Variants in HS6ST3 observed in about 807,000 individuals in gnomAD.
The protein encoded by HS6ST3 is heparan sulfate 6-O-sulfotransferase 3.
Under a neutral mutation model 36.7 loss-of-function variants are expected in HS6ST3, and 12 were observed. The observed-to-expected ratio is 0.33, with a 90% confidence interval of 0.21 to 0.53. HS6ST3 has a LOEUF of 0.53. Among genes scored for constraint, HS6ST3 ranks in the 20% least tolerant of loss-of-function variants. The probability of loss-of-function intolerance (pLI) is 0.95; values close to 1 mark genes in which losing one functional copy is unlikely to be tolerated. For missense variants in HS6ST3, 584 were observed against 640.9 expected, an observed-to-expected ratio of 0.91 and a Z score of 0.96; for synonymous variants, 240 against 257.5, an observed-to-expected ratio of 0.93 and a Z score of 0.65.
intron 1 of HS6ST3, among the ~76,000 whole-genome samples, chr13:96,680,894 G>A (rs1264800522): frequency 6.6e-6 from 1 of 152,214 alleles, no homozygotes; most frequent in Non-Finnish European, 1.5e-5. Flanking sequence ...GAAGGCTTTG[G>A]AGCCACATAA....
At chr13:96,322,021 G>C (rs955485891) in intron 1 of HS6ST3, among the ~76,000 whole-genome samples, 1 of 151,750 alleles carries the variant, frequency 6.6e-6, no homozygotes, top group Non-Finnish European at 1.5e-5. Context: ...GAACTCATCA[G>C]AGCAGAACTT....
intron 1 of HS6ST3, among the ~76,000 whole-genome samples, chr13:96,479,776 G>A (rs2055881511): frequency 6.6e-6 from 1 of 152,136 alleles, no homozygotes; most frequent in Non-Finnish European, 1.5e-5. Context: ...AGAGTCTATT[G>A]TAGGTCTAGG....
chr13:96,179,297 A>G (rs1453215722), intron 1 of HS6ST3, among the ~76,000 whole-genome samples: 2 of 152,188 alleles, frequency 1.3e-5, no homozygotes, highest in Admixed American at 1.3e-4. Flanking sequence ...GAAGGTCACT[A>G]TTGACCATCA....
chr13:96,571,941 C>A (rs1302950067), intron 1 of HS6ST3, among the ~76,000 whole-genome samples: 2 of 152,194 alleles, frequency 1.3e-5, no homozygotes, highest in African/African-American at 4.8e-5. Context: ...GTACCATGCA[C>A]CGTGTGCTTT....
intron 1 of HS6ST3, among the ~76,000 whole-genome samples, chr13:96,575,277 G>A (rs920861420): frequency 6.6e-6 from 1 of 152,194 alleles, no homozygotes; most frequent in Admixed American, 6.5e-5. Context: ...CCATGGGAAG[G>A]TGTGATGTCA....
intron 1 of HS6ST3, among the ~76,000 whole-genome samples, chr13:96,266,813 C>T (rs2054694630): frequency 6.6e-6 from 1 of 152,206 alleles, no homozygotes; most frequent in South Asian, 2.1e-4. Flanking sequence ...ATGCCACACA[C>T]ATTCCAGCTA....
At chr13:96,560,391 T>C (rs1261883441) in intron 1 of HS6ST3, among the ~76,000 whole-genome samples, 2 of 152,152 alleles carry the variant, frequency 1.3e-5, no homozygotes, top group Admixed American at 1.3e-4. Flanking sequence ...AGAGGAGCCA[T>C]GTATGACAAA....
chr13:96,506,645 C>T (rs187274877), intron 1 of HS6ST3, among the ~76,000 whole-genome samples: 1 of 152,130 alleles, frequency 6.6e-6, no homozygotes, highest in Non-Finnish European at 1.5e-5. Context: ...TATTTCTGCT[C>T]CTGTGAAACT....
At chr13:96,167,920 G>A (rs927516300) in intron 1 of HS6ST3, among the ~76,000 whole-genome samples, 4 of 152,136 alleles carry the variant, frequency 2.6e-5, no homozygotes, top group African/African-American at 9.7e-5. Flanking sequence ...TTTTTGTGCT[G>A]TGGGCTTAGA....
intron 1 of HS6ST3, among the ~76,000 whole-genome samples, chr13:96,794,813 T>C (rs774903711): frequency 1.4e-4 from 22 of 152,050 alleles, no homozygotes; most frequent in Non-Finnish European, 2.5e-4. Flanking sequence ...AGATGAAACA[T>C]GAAGTAGAGA....
intron 1 of HS6ST3, among the ~76,000 whole-genome samples, chr13:96,418,601 G>T (rs1327686526): frequency 1.1e-4 from 17 of 152,092 alleles, no homozygotes; most frequent in Admixed American, 1.1e-3. Flanking sequence ...CCTATAACCT[G>T]GTAGGTGCTA....
chr13:96,772,086 G>C (rs1431052172), intron 1 of HS6ST3, among the ~76,000 whole-genome samples: 2 of 152,166 alleles, frequency 1.3e-5, no homozygotes, highest in Admixed American at 1.3e-4. Flanking sequence ...GATGGGGCCA[G>C]GGTTTTATAT....
At chr13:96,115,494 C>A (rs778886392) in intron 1 of HS6ST3, among the ~76,000 whole-genome samples, 1 of 152,086 alleles carries the variant, frequency 6.6e-6, no homozygotes, top group South Asian at 2.1e-4. Flanking sequence ...TGAGAACATG[C>A]GGTGTTTGGT....
At chr13:96,731,665 T>A (rs1187856770) in intron 1 of HS6ST3, among the ~76,000 whole-genome samples, 1 of 151,998 alleles carries the variant, frequency 6.6e-6, no homozygotes, top group East Asian at 1.9e-4. Context: ...TGTTTTGTTT[T>A]TTTTTTGTTT....
intron 1 of HS6ST3, among the ~76,000 whole-genome samples, chr13:96,295,592 T>C (rs1257789015): frequency 6.6e-6 from 1 of 152,122 alleles, no homozygotes; most frequent in African/African-American, 2.4e-5. Flanking sequence ...GCACTTTGAT[T>C]AACCTTTTAT....
chr13:96,138,479 AATAT>A (rs1214767609), intron 1 of HS6ST3, among the ~76,000 whole-genome samples: 7 of 150,130 alleles, frequency 4.7e-5, no homozygotes, highest in Non-Finnish European at 8.9e-5. Context: ...ACAGTTTATA[AATAT>A]ATATATTTAC....
intron 1 of HS6ST3, among the ~76,000 whole-genome samples, chr13:96,111,478 A>G (rs894283416): frequency 6.6e-6 from 1 of 152,228 alleles, no homozygotes; most frequent in African/African-American, 2.4e-5. Context: ...AGCTTTTAAT[A>G]TCTTGGCTGC....
At chr13:96,572,068 G>T (rs2056302796) in intron 1 of HS6ST3, among the ~76,000 whole-genome samples, 1 of 152,210 alleles carries the variant, frequency 6.6e-6, no homozygotes, top group African/African-American at 2.4e-5. Context: ...CCTTGTAGAG[G>T]AGTGGAAGGG....
chr13:96,611,971 A>C (rs1355589663), intron 1 of HS6ST3, among the ~76,000 whole-genome samples: 1 of 152,160 alleles, frequency 6.6e-6, no homozygotes, highest in Non-Finnish European at 1.5e-5. Flanking sequence ...TTCCAGAAGC[A>C]ACAACGTGGA....
Sources: allele counts gnomAD v4.1 joint callset (sites outside exome capture counted in the v4.1 genomes callset), GRCh38; gene constraint gnomAD v4.1.1; transcripts MANE v1.5; gene names NCBI Gene and HGNC (gene_info 2026-07-23, HGNC 2026-07-21).